Variants in QTMAN observed in about 807,000 individuals in gnomAD.
QTMAN encodes the protein tRNA-queuosine alpha-mannosyltransferase.
At chr2:144,017,632 C>T in the QTMAN span, among the ~76,000 whole-genome samples, 4 of 152,128 alleles carry the variant, frequency 2.6e-5, no homozygotes, top group East Asian at 3.9e-4. Context: ...TCAATTATGT[C>T]ATCTGTAAAA....
chr2:144,277,139 T>C, the QTMAN span, among the ~76,000 whole-genome samples: 1 of 152,140 alleles, frequency 6.6e-6, no homozygotes, highest in Non-Finnish European at 1.5e-5. Context: ...GTACCACATG[T>C]TTAAATGATA....
chr2:144,306,933 G>A, the QTMAN span, among the ~76,000 whole-genome samples: 4 of 151,458 alleles, frequency 2.6e-5, no homozygotes, highest in Non-Finnish European at 5.9e-5. Context: ...AGGCTGAGGC[G>A]GGTGGATCAC....
chr2:144,045,365 T>C, the QTMAN span, among the ~76,000 whole-genome samples: 1 of 152,206 alleles, frequency 6.6e-6, no homozygotes, highest in Non-Finnish European at 1.5e-5. Flanking sequence ...ATTTTGCCAA[T>C]AAGAAAATTA....
chr2:144,103,234 G>T, the QTMAN span, among the ~76,000 whole-genome samples: 1 of 152,180 alleles, frequency 6.6e-6, no homozygotes, highest in Non-Finnish European at 1.5e-5. Context: ...TAGATAACTG[G>T]CTGCCATTTT....
the QTMAN span, among the ~76,000 whole-genome samples, chr2:144,232,453 T>G: frequency 6.6e-6 from 1 of 152,218 alleles, no homozygotes; most frequent in African/African-American, 2.4e-5. Flanking sequence ...TAAAAATGTT[T>G]CACATTAATA....
the QTMAN span, among the ~76,000 whole-genome samples, chr2:144,179,236 C>CT: frequency 1.3e-5 from 2 of 152,116 alleles, no homozygotes; most frequent in Non-Finnish European, 2.9e-5. Context: ...CCTTTACTGA[C>CT]AGTAGAGTAG....
At chr2:143,961,862 G>A in the QTMAN span, among the ~76,000 whole-genome samples, 3 of 152,172 alleles carry the variant, frequency 2.0e-5, no homozygotes, top group East Asian at 5.8e-4. Context: ...TGAGGAATGA[G>A]AGTGAGTTGT....
chr2:144,106,064 T>G, the QTMAN span, among the ~76,000 whole-genome samples: 2 of 152,178 alleles, frequency 1.3e-5, no homozygotes, highest in African/African-American at 2.4e-5. Flanking sequence ...CTGAGAGATT[T>G]TGTCACCACC....
the QTMAN span, chr2:144,211,086 G>A: frequency 6.6e-6 from 1 of 152,110 alleles, no homozygotes; most frequent in East Asian, 1.9e-4. Flanking sequence ...CCTTTTCCAT[G>A]ATTAATCTAA....
the QTMAN span, among the ~76,000 whole-genome samples, chr2:144,041,076 G>A: frequency 6.6e-6 from 1 of 152,078 alleles, no homozygotes; most frequent in African/African-American, 2.4e-5. Flanking sequence ...AATTTACTAT[G>A]TCAGATTGCA....
chr2:144,124,155 C>T, the QTMAN span, among the ~76,000 whole-genome samples: 1 of 152,090 alleles, frequency 6.6e-6, no homozygotes, highest in African/African-American at 2.4e-5. Flanking sequence ...CTCAACTATG[C>T]TTTAAACCCC....
chr2:144,020,317 G>A, the QTMAN span, among the ~76,000 whole-genome samples: 1 of 152,106 alleles, frequency 6.6e-6, no homozygotes, highest in Admixed American at 6.5e-5. Flanking sequence ...AAAACCCTGA[G>A]ACCCCAGCAG....
chr2:144,313,094 T>G, the QTMAN span, among the ~76,000 whole-genome samples: 19 of 152,322 alleles, frequency 1.2e-4, no homozygotes, highest in Non-Finnish European at 2.8e-4. Flanking sequence ...AATTTACACT[T>G]CTGGCAGACA....
At chr2:144,211,010 T>C in the QTMAN span, 1 of 152,208 alleles carries the variant, frequency 6.6e-6, no homozygotes, top group Non-Finnish European at 1.5e-5. Flanking sequence ...CTCACTCATC[T>C]AACCTCAAAG....
chr2:144,049,364 T>C, the QTMAN span, among the ~76,000 whole-genome samples: 1 of 152,296 alleles, frequency 6.6e-6, no homozygotes, highest in East Asian at 1.9e-4. Flanking sequence ...GTCAATATTG[T>C]GGCAAGCAGC....
chr2:144,316,683 T>G, the QTMAN span, among the ~76,000 whole-genome samples: 2 of 152,196 alleles, frequency 1.3e-5, no homozygotes, highest in Non-Finnish European at 2.9e-5. Context: ...TTCGCAAATA[T>G]GTCACTGCTT....
chr2:144,092,939 A>G, the QTMAN span, among the ~76,000 whole-genome samples: 7 of 151,216 alleles, frequency 4.6e-5, no homozygotes, highest in Non-Finnish European at 1.5e-5. Context: ...GGGGAAAACC[A>G]CCAGGAATAA....
chr2:144,125,424 C>T, the QTMAN span, among the ~76,000 whole-genome samples: 1 of 152,014 alleles, frequency 6.6e-6, no homozygotes, highest in Non-Finnish European at 1.5e-5. Context: ...TAGGTAATTA[C>T]ATTCTGCTTA....
At chr2:144,111,327 G>A in the QTMAN span, among the ~76,000 whole-genome samples, 4 of 152,126 alleles carry the variant, frequency 2.6e-5, no homozygotes, top group Non-Finnish European at 4.4e-5. Flanking sequence ...TTATTTCACC[G>A]GGTTCACACC....
Sources: allele counts gnomAD v4.1 joint callset (sites outside exome capture counted in the v4.1 genomes callset), GRCh38; gene constraint gnomAD v4.1.1; transcripts MANE v1.5; gene names NCBI Gene and HGNC (gene_info 2026-07-23, HGNC 2026-07-21).